Variants in TBC1D19 observed in about 807,000 individuals in gnomAD.
The protein encoded by TBC1D19 is TBC1 domain family, member 19.
TBC1D19 carries 60 observed loss-of-function variants against 89.0 expected under a neutral mutation model. The observed-to-expected ratio is 0.67, with a 90% confidence interval of 0.55 to 0.84. The LOEUF is 0.84. TBC1D19 is among the 40% of genes least tolerant of loss of function. TBC1D19 has a pLI of 0.00. For synonymous variants in TBC1D19, 189 were observed against 199.7 expected (o/e 0.95, Z 0.45); for missense variants, 500 against 610.8 (o/e 0.82, Z 1.91).
At chr4:26,619,669 G>A (rs778186646) in intron 3 of TBC1D19, among the ~76,000 whole-genome samples, 5 of 152,052 alleles carry the variant, frequency 3.3e-5, no homozygotes, top group African/African-American at 1.2e-4. Flanking sequence ...TTGTGAATGC[G>A]AAAGATACAT....
intron 13 of TBC1D19, among the ~76,000 whole-genome samples, chr4:26,708,640 A>G (rs1271191582): frequency 6.6e-6 from 1 of 151,988 alleles, no homozygotes; most frequent in African/African-American, 2.4e-5. Context: ...ATAAGTTCCT[A>G]TGGCTCTGTT....
the TBC1D19 span, among the ~76,000 whole-genome samples, chr4:26,817,983 T>A: frequency 0.36 from 41,215 of 114,444 alleles, 7,565 homozygotes; most frequent in Middle Eastern, 0.47. Flanking sequence ...AAAAAAAAAA[T>A]ATATATATAT....
chr4:26,636,999 G>C (rs919019209), intron 4 of TBC1D19, among the ~76,000 whole-genome samples: 2 of 152,078 alleles, frequency 1.3e-5, no homozygotes, highest in South Asian at 4.1e-4. Flanking sequence ...GAGGACTGAG[G>C]CTTTCTGTTA....
the TBC1D19 span, among the ~76,000 whole-genome samples, chr4:26,793,072 C>A: frequency 2.0e-5 from 3 of 152,140 alleles, no homozygotes; most frequent in Non-Finnish European, 2.9e-5. Context: ...ATCTAACAGA[C>A]AACCAGAAGA....
intron 16 of TBC1D19, among the ~76,000 whole-genome samples, chr4:26,737,110 T>G (rs1330192805): frequency 6.6e-6 from 1 of 152,184 alleles, no homozygotes; most frequent in African/African-American, 2.4e-5. Flanking sequence ...CAACATCAGA[T>G]GGTCGTGGTG....
rs537898901 is a variant in TBC1D19, at chr4:26,754,171, G to A, written c.1506+281G>A. 82 of 320,226 alleles carry A rather than the reference G, an allele frequency of 2.6e-4. 3 individuals are homozygous for A. The South Asian group carries it at 5.1e-3, about 20-fold the overall frequency. The allele number at this position is 320,226 out of a possible 1,614,324, so 19.8% of individuals were successfully genotyped here. ...CTGGTAATTTTAATGGAAACAATTG[G>A]GGTTTATGTTGCATTTTTTTATCGT... On this transcript the variant is annotated intron_variant, in intron 20 of 20. Transcript: ENST00000264866.
chr4:26,851,327 A>G, the TBC1D19 span, among the ~76,000 whole-genome samples: 5,119 of 118,858 alleles, frequency 0.043, 138 homozygotes, highest in African/African-American at 0.084. Context: ...CTATCTATCT[A>G]TCTATCTATC....
At chr4:26,724,822 A>G (rs1178921829) in intron 15 of TBC1D19, among the ~76,000 whole-genome samples, 1 of 152,176 alleles carries the variant, frequency 6.6e-6, no homozygotes, top group African/African-American at 2.4e-5. Flanking sequence ...TGCTTTCCAA[A>G]GCCCTCATGC....
downstream of TBC1D19, among the ~76,000 whole-genome samples, chr4:26,757,465 A>G (rs559646657): frequency 2.0e-5 from 3 of 152,334 alleles, no homozygotes; most frequent in South Asian, 6.2e-4. Context: ...ACAGTGATAC[A>G]TTGGCATTGA....
chr4:26,620,634 TGC>T lies in TBC1D19; in HGVS notation c.241_242del (p.Ala81CysfsTer4). 6.2e-7 allele frequency: 1 copy of T among 1,613,860 alleles called. No individual in the cohort carries two copies. The highest frequency in any genetic ancestry group is 1.1e-5 in the South Asian group (1 of 91,046). The stretch of plus-strand genomic sequence containing the variant: ...CTAGGTTTCCTTTACCTAGTCATCC[TGC>T]TGCACCTCCTGAACATCTTAAAGAA... Reference protein sequence around the residue: ...LSVFPLPSHPAAPPEHLKEPL... With the variant: ...LSVFPLPSHPXAPPEHLKEPL... On this transcript the variant is annotated frameshift_variant, in exon 4 of 21. Transcript: ENST00000264866. LOFTEE classifies it high-confidence loss of function.
intron 1 of TBC1D19, among the ~76,000 whole-genome samples, chr4:26,595,317 T>C (rs755707412): frequency 7.2e-5 from 11 of 152,372 alleles, no homozygotes; most frequent in Non-Finnish European, 1.5e-4. Flanking sequence ...ATTTTTTGTA[T>C]ACTTGGGTAG....
intron 16 of TBC1D19, among the ~76,000 whole-genome samples, chr4:26,739,181 C>T: frequency 6.6e-6 from 1 of 152,166 alleles, no homozygotes; most frequent in Non-Finnish European, 1.5e-5. Context: ...GACTTTCTGA[C>T]ATTCAACTGT....
At chr4:26,819,131 G>A in the TBC1D19 span, among the ~76,000 whole-genome samples, 2 of 152,176 alleles carry the variant, frequency 1.3e-5, no homozygotes, top group East Asian at 1.9e-4. Context: ...AATCCCCAGC[G>A]ACTAACTGGT....
At chr4:26,600,701 A>C (rs1233179043) in intron 1 of TBC1D19, among the ~76,000 whole-genome samples, 1 of 152,198 alleles carries the variant, frequency 6.6e-6, no homozygotes, top group Non-Finnish European at 1.5e-5. Flanking sequence ...ATGTCAGCAA[A>C]AGAAAACCAG....
intron 4 of TBC1D19, among the ~76,000 whole-genome samples, chr4:26,632,208 C>T (rs1742844507): frequency 6.6e-6 from 1 of 151,852 alleles, no homozygotes; most frequent in Non-Finnish European, 1.5e-5. Flanking sequence ...GTACAGCTGA[C>T]CCTTAAACAA....
At chr4:26,843,971 G>A in the TBC1D19 span, among the ~76,000 whole-genome samples, 1 of 152,184 alleles carries the variant, frequency 6.6e-6, no homozygotes, top group African/African-American at 2.4e-5. Flanking sequence ...ATGGCACCAA[G>A]CCTTTCATGA....
the TBC1D19 span, among the ~76,000 whole-genome samples, chr4:26,856,311 T>G: frequency 9.8e-5 from 15 of 152,368 alleles, no homozygotes; most frequent in African/African-American, 3.6e-4. Flanking sequence ...AATTTCCTTC[T>G]TTTTTAAGGC....
the TBC1D19 span, among the ~76,000 whole-genome samples, chr4:26,826,400 G>T: frequency 4.6e-5 from 7 of 152,254 alleles, no homozygotes; most frequent in Admixed American, 3.3e-4. Context: ...ACAGTTTAAA[G>T]TTGATTTATA....
At chr4:26,645,453 T>C (rs948633741) in intron 7 of TBC1D19, among the ~76,000 whole-genome samples, 5 of 152,226 alleles carry the variant, frequency 3.3e-5, no homozygotes, top group African/African-American at 9.6e-5. Flanking sequence ...GCTATCCATA[T>C]GTAGAAAGCT....
Sources: allele counts gnomAD v4.1 joint callset (sites outside exome capture counted in the v4.1 genomes callset), GRCh38; gene constraint gnomAD v4.1.1; transcripts MANE v1.5; gene names NCBI Gene and HGNC (gene_info 2026-07-23, HGNC 2026-07-21).